CSMD1: variants seen among roughly 807,000 people sequenced by gnomAD.
The protein encoded by CSMD1 is CUB and sushi domain-containing protein 1.
Under a neutral mutation model 417.5 loss-of-function variants are expected in CSMD1, and 213 were observed. The observed-to-expected ratio is 0.51, with a 90% CI of 0.46 to 0.57. The LOEUF (loss-of-function observed/expected upper bound fraction) is 0.57, where lower values mean the gene tolerates loss of function less well. Among genes scored for constraint, CSMD1 ranks in the 20% least tolerant of loss-of-function variants. CSMD1 has a pLI of 0.00. For missense variants in CSMD1, 6,923 were observed against 4,529.7 expected (o/e 1.53, Z -15.17); for synonymous variants, 2,862 against 1,736.8 (o/e 1.65, Z -16.11).
At chr8:3,416,958 C>G (rs1351364503) in intron 12 of CSMD1, among the ~76,000 whole-genome samples, 1 of 152,204 alleles carries the variant, frequency 6.6e-6, no homozygotes, top group Non-Finnish European at 1.5e-5. Flanking sequence ...TGTATATGAA[C>G]AGCAATTTCT....
At chr8:4,013,023 T>C (rs547496701) in intron 4 of CSMD1, among the ~76,000 whole-genome samples, 1 of 152,314 alleles carries the variant, frequency 6.6e-6, no homozygotes, top group East Asian at 1.9e-4. Context: ...GATTTTCTAA[T>C]AGGTTTTTTA....
chr8:4,286,498 C>T (rs957606254), intron 3 of CSMD1, among the ~76,000 whole-genome samples: 1 of 151,974 alleles, frequency 6.6e-6, no homozygotes, highest in Admixed American at 6.6e-5. Flanking sequence ...ACGGTTGTGG[C>T]ACAGGAAGGA....
rs568908037 is a variant in CSMD1 at position 4,175,577 on chromosome 8, A to G, written c.416-143478T>C. 1.2e-4 allele frequency among the ~76,000 whole-genome samples: 19 copies of G among 152,282 alleles called. No homozygotes were observed. In the South Asian group the frequency reaches 3.5e-3, roughly 28 times the overall value. Reference sequence around the variant, plus strand: ...CCAGCCCTTAGATTTTTTGAAAGGTATATTAGGAGAGTAAATATACAATGA... The same window carrying G: ...CCAGCCCTTAGATTTTTTGAAAGGTGTATTAGGAGAGTAAATATACAATGA... On this transcript the variant is annotated intron_variant, in intron 3 of 69. Coordinates refer to ENST00000635120, the MANE Select transcript of CSMD1 (RefSeq NM_033225.6).
At chr8:4,892,832 T>C (rs1010245871) in intron 1 of CSMD1, among the ~76,000 whole-genome samples, 1 of 152,136 alleles carries the variant, frequency 6.6e-6, no homozygotes, top group Non-Finnish European at 1.5e-5. Flanking sequence ...CTCCATAGTA[T>C]AAACACACCT....
intron 3 of CSMD1, among the ~76,000 whole-genome samples, chr8:4,170,117 C>G (rs953402959): frequency 6.6e-6 from 1 of 151,766 alleles, no homozygotes; most frequent in Non-Finnish European, 1.5e-5. Context: ...CCTGTTTTCT[C>G]CCTCCAGGGG....
chr8:3,501,831 G>C lies in CSMD1; in HGVS notation c.1345-8105C>G, dbSNP rs1357523746. ...ATAATTTTACTTGTTTTCACCTGAG[G>C]TTGTAAGGGCCAATCATAAAACAAC... On this transcript the variant is annotated intron_variant, in intron 10 of 69. Coordinates refer to ENST00000635120, the MANE Select transcript of CSMD1 (RefSeq NM_033225.6). Among the ~76,000 whole-genome samples the C allele has an allele frequency of 2.0e-5, 3 of 152,160 alleles. No individual in the cohort carries two copies. The East Asian group carries it at 5.8e-4, about 29-fold the overall frequency.
chr8:4,321,907 G>A (rs772429266), intron 3 of CSMD1, among the ~76,000 whole-genome samples: 14 of 151,868 alleles, frequency 9.2e-5, no homozygotes, highest in Non-Finnish European at 1.3e-4. Flanking sequence ...TTAGACTTTT[G>A]CCTTTTATTA....
chr8:3,307,610 A>G, intron 25 of CSMD1, 85 bp downstream of exon 25: 4 of 1,406,416 alleles, frequency 2.8e-6, no homozygotes, highest in Non-Finnish European at 2.9e-6. Flanking sequence ...TTAACCATGG[A>G]TATTTGGTGT....
intron 15 of CSMD1, among the ~76,000 whole-genome samples, chr8:3,403,820 C>T (rs1034092587): frequency 3.9e-5 from 6 of 152,172 alleles, no homozygotes; most frequent in African/African-American, 9.7e-5. Flanking sequence ...TATATATTTA[C>T]TCATTTATAA....
In CSMD1 at chr8:3,898,224, T is replaced by C. The variant is rs1348441633; in HGVS notation, c.818+99679A>G. 1.3e-5 allele frequency among the ~76,000 whole-genome samples: 2 copies of C among 152,042 alleles called. 1 individual carries two copies. The highest frequency in any genetic ancestry group is 2.9e-5 in the Non-Finnish European group (2 of 68,012). On this transcript the variant is annotated intron_variant, in intron 5 of 69. Coordinates refer to ENST00000635120, the MANE Select transcript of CSMD1 (RefSeq NM_033225.6). ...TGAGTATGGAAAATTCCCCTACATA[T>C]TGAGAAAATAAAAATAGCTCAGATA...
intron 3 of CSMD1, among the ~76,000 whole-genome samples, chr8:4,107,966 G>T (rs1421003874): frequency 6.6e-6 from 1 of 152,022 alleles, no homozygotes; most frequent in African/African-American, 2.4e-5. Context: ...AGTAAAAGTA[G>T]CATTGACCGG....
chr8:3,753,237 T>A (rs1797453280), intron 6 of CSMD1, among the ~76,000 whole-genome samples: 1 of 152,176 alleles, frequency 6.6e-6, no homozygotes, highest in Admixed American at 6.5e-5. Flanking sequence ...TTATTTTAAT[T>A]TGGAAATCGA....
intron 5 of CSMD1, among the ~76,000 whole-genome samples, chr8:3,961,678 G>A (rs932300792): frequency 1.3e-5 from 2 of 152,110 alleles, no homozygotes; most frequent in Non-Finnish European, 1.5e-5. Flanking sequence ...TAAAGTGAAA[G>A]CAAACTTCAA....
chr8:4,220,751 A>G lies in CSMD1; in HGVS notation c.416-188652T>C, dbSNP rs566132690. 1.3e-3 allele frequency among the ~76,000 whole-genome samples: 203 copies of G among 152,334 alleles called. 1 individual carries two copies. The highest frequency in any genetic ancestry group is 4.6e-3 in the African/African-American group (190 of 41,582). Reference sequence around the variant, plus strand: ...TAGCTGGGATGAGAAAGACAGAGAAACAGGGTGGAGAATATGGGGCCACCC... The same window carrying G: ...TAGCTGGGATGAGAAAGACAGAGAAGCAGGGTGGAGAATATGGGGCCACCC... On this transcript the variant is annotated intron_variant, in intron 3 of 69. Transcript: ENST00000635120.
At chr8:3,960,039 G>T (rs531150967) in intron 5 of CSMD1, among the ~76,000 whole-genome samples, 2 of 152,098 alleles carry the variant, frequency 1.3e-5, no homozygotes, top group African/African-American at 2.4e-5. Context: ...GAGCCTTCTG[G>T]GCATCTCAGG....
intron 10 of CSMD1, among the ~76,000 whole-genome samples, chr8:3,533,644 G>C (rs1016345012): frequency 6.6e-6 from 1 of 152,126 alleles, no homozygotes; most frequent in Admixed American, 6.5e-5. Context: ...ATCTCCCAGA[G>C]GCTCTGGGAG....
intron 1 of CSMD1, among the ~76,000 whole-genome samples, chr8:4,900,766 A>G (rs1209806644): frequency 6.6e-6 from 1 of 152,172 alleles, no homozygotes; most frequent in African/African-American, 2.4e-5. Context: ...TCAGAATCAC[A>G]TTCTCTCAAC....
chr8:4,138,683 A>C (rs947602551), intron 3 of CSMD1, among the ~76,000 whole-genome samples: 3 of 152,202 alleles, frequency 2.0e-5, no homozygotes, highest in Admixed American at 2.0e-4. Context: ...TTCAAAGTTA[A>C]ATTGTAATGA....
intron 3 of CSMD1, among the ~76,000 whole-genome samples, chr8:4,292,630 G>T (rs1161572731): frequency 6.6e-6 from 1 of 152,198 alleles, no homozygotes; most frequent in Admixed American, 6.5e-5. Context: ...GATATTTTCT[G>T]TGCCTCAGTC....
Sources: gnomAD v4.1 joint callset for allele counts (sites outside exome capture counted in the v4.1 genomes callset) on GRCh38, gnomAD v4.1.1 for gene constraint, MANE v1.5 for transcripts, NCBI Gene and HGNC (gene_info 2026-07-23, HGNC 2026-07-21) for gene names.